Variants in TBC1D5 observed in about 807,000 individuals in gnomAD.
TBC1D5 encodes the protein TBC1 domain family, member 5.
A neutral mutation model predicts 100.3 loss-of-function variants in TBC1D5; 75 were observed. The observed-to-expected ratio is 0.75, with a 90% CI of 0.62 to 0.91. The LOEUF (loss-of-function observed/expected upper bound fraction) is 0.91. Ranked by LOEUF, TBC1D5 falls within the 40% of genes least tolerant of loss-of-function variation. The pLI, the probability that TBC1D5 is intolerant of heterozygous loss-of-function variation, is 0.00. For missense variants in TBC1D5, 910 were observed against 942.4 expected, an observed-to-expected ratio of 0.97 and a Z score of 0.45; for synonymous variants, 323 against 325.6, an observed-to-expected ratio of 0.99 and a Z score of 0.09.
intron 1 of TBC1D5, among the ~76,000 whole-genome samples, chr3:17,737,731 AGTAAAG>A (rs2077065803): frequency 2.0e-5 from 3 of 152,264 alleles, no homozygotes; most frequent in South Asian, 2.1e-4. Flanking sequence ...CTAGCAAAAA[AGTAAAG>A]GTAAACACTC....
intron 3 of TBC1D5, among the ~76,000 whole-genome samples, chr3:17,445,406 A>AAT (rs1255196544): frequency 6.6e-6 from 1 of 152,150 alleles, no homozygotes; most frequent in Non-Finnish European, 1.5e-5. Context: ...AAATAATAAA[A>AAT]ATATTCGTAT....
At chr3:17,457,025 A>T (rs921941202) in intron 3 of TBC1D5, among the ~76,000 whole-genome samples, 2 of 152,122 alleles carry the variant, frequency 1.3e-5, no homozygotes, top group African/African-American at 4.8e-5. Flanking sequence ...AGCAAAAAAA[A>T]ATATTTTGGG....
At position 17,640,468 on chromosome 3, in the gene TBC1D5, C is replaced by T. The variant is rs900253432; in HGVS notation, c.-100-16555G>A. Among the ~76,000 whole-genome samples the T allele has an allele frequency of 4.6e-5, 7 of 151,876 alleles. No individual in the cohort carries two copies. In the South Asian group the frequency reaches 1.2e-3, roughly 27 times the overall value. On this transcript the variant is annotated intron_variant, in intron 1 of 21. Coordinates refer to ENST00000253692, the Ensembl canonical transcript of TBC1D5. ...CTTCCACCCAAAATATCAATTTCCTCTTAAAAGAAGAATTATTTTAGAACT... is the reference window on the plus strand; with the variant it reads ...CTTCCACCCAAAATATCAATTTCCTTTTAAAAGAAGAATTATTTTAGAACT...
chr3:17,572,507 C>T (rs1160796291), intron 2 of TBC1D5, among the ~76,000 whole-genome samples: 1 of 151,992 alleles, frequency 6.6e-6, no homozygotes, highest in African/African-American at 2.4e-5. Context: ...AAATCAAGAA[C>T]AACAAACCTC....
chr3:17,267,096 C>G (rs1170166130), intron 15 of TBC1D5, among the ~76,000 whole-genome samples: 1 of 152,086 alleles, frequency 6.6e-6, no homozygotes, highest in African/African-American at 2.4e-5. Flanking sequence ...TTTAAACCAC[C>G]TGTGCGTTAT....
intron 19 of TBC1D5, among the ~76,000 whole-genome samples, chr3:17,182,935 C>T (rs1327649482): frequency 6.6e-6 from 1 of 152,038 alleles, no homozygotes; most frequent in East Asian, 1.9e-4. Flanking sequence ...CCATTTCCTA[C>T]CTAGCTCTTT....
At chr3:17,227,858 T>G (rs944183170) in intron 17 of TBC1D5, among the ~76,000 whole-genome samples, 16 of 151,968 alleles carry the variant, frequency 1.1e-4, no homozygotes, top group Non-Finnish European at 2.1e-4. Context: ...AAAAGTTTTT[T>G]TTTTTTTTTT....
At chr3:17,664,985 A>G (rs2067077219) in intron 1 of TBC1D5, 1 of 141,358 alleles carries the variant, frequency 7.1e-6, no homozygotes, top group South Asian at 2.3e-4. Context: ...CTCTTTTAGA[A>G]TTTGTCTACC....
intron 2 of TBC1D5, among the ~76,000 whole-genome samples, chr3:17,549,299 T>C (rs966328562): frequency 6.6e-6 from 1 of 152,090 alleles, no homozygotes; most frequent in Non-Finnish European, 1.5e-5. Flanking sequence ...ACACTCCATC[T>C]CAAAAAAATA....
chr3:17,731,163 A>AT (rs1293544837), intron 1 of TBC1D5, among the ~76,000 whole-genome samples: 2 of 152,100 alleles, frequency 1.3e-5, no homozygotes, highest in African/African-American at 4.8e-5. Context: ...GAATTTCAGT[A>AT]TTTTTTACTT....
chr3:17,246,763 A>G lies in TBC1D5; in HGVS notation c.1332-8344T>C, dbSNP rs114026392. On this transcript the variant is annotated intron_variant, in intron 16 of 21. Coordinates refer to ENST00000253692, the Ensembl canonical transcript of TBC1D5. ...TTTGAGGTGGATCATAAATTTAAAT[A>G]CAAATGGTAGAACCACACAACTTTT... 8.8e-3 allele frequency among the ~76,000 whole-genome samples: 1,347 copies of G among 152,332 alleles called. 15 individuals carry two copies. The highest frequency in any genetic ancestry group is 0.031 in the African/African-American group (1,270 of 41,570).
chr3:17,318,120 C>T (rs2084925113), intron 13 of TBC1D5, among the ~76,000 whole-genome samples: 1 of 151,166 alleles, frequency 6.6e-6, no homozygotes, highest in Non-Finnish European at 1.5e-5. Flanking sequence ...AGTAAACTAT[C>T]GCAAGGACAA....
intron 1 of TBC1D5, among the ~76,000 whole-genome samples, chr3:17,732,627 T>A (rs985191745): frequency 1.3e-5 from 2 of 150,526 alleles, no homozygotes; most frequent in African/African-American, 4.9e-5. Flanking sequence ...TAATCCCAGC[T>A]ACCCAGGAGG....
At chr3:17,575,984 T>C (rs775283747) in intron 2 of TBC1D5, among the ~76,000 whole-genome samples, 1 of 152,126 alleles carries the variant, frequency 6.6e-6, no homozygotes, top group Non-Finnish European at 1.5e-5. Flanking sequence ...AAGTGCTTTA[T>C]GCAAGAAATT....
chr3:17,627,320 G>C (rs1486005704), intron 1 of TBC1D5, among the ~76,000 whole-genome samples: 1 of 152,070 alleles, frequency 6.6e-6, no homozygotes, highest in Non-Finnish European at 1.5e-5. Context: ...AGGGGACAGA[G>C]GGATGGAAAC....
At chr3:17,667,322 A>G (rs2067373839) in intron 1 of TBC1D5, among the ~76,000 whole-genome samples, 1 of 152,234 alleles carries the variant, frequency 6.6e-6, no homozygotes, top group African/African-American at 2.4e-5. Flanking sequence ...ACAAGTATTT[A>G]ATTTCTAAAG....
intron 13 of TBC1D5, among the ~76,000 whole-genome samples, chr3:17,368,024 C>T (rs748843535): frequency 1.3e-5 from 2 of 152,028 alleles, no homozygotes; most frequent in Non-Finnish European, 2.9e-5. Context: ...CATTTAATTG[C>T]GGATTTAATT....
At chr3:17,594,300 G>A (rs987817213) in intron 2 of TBC1D5, among the ~76,000 whole-genome samples, 2 of 152,158 alleles carry the variant, frequency 1.3e-5, no homozygotes, top group Non-Finnish European at 2.9e-5. Flanking sequence ...GCGTCTCTTA[G>A]TATTACCATG....
intron 2 of TBC1D5, among the ~76,000 whole-genome samples, chr3:17,615,264 T>C (rs2062047409): frequency 6.6e-6 from 1 of 152,242 alleles, no homozygotes; most frequent in Non-Finnish European, 1.5e-5. Context: ...AACTTTTTGA[T>C]ATGCTGCTGG....
Sources: gnomAD v4.1 joint callset for allele counts (sites outside exome capture counted in the v4.1 genomes callset) on GRCh38, gnomAD v4.1.1 for gene constraint, MANE v1.5 for transcripts, NCBI Gene and HGNC (gene_info 2026-07-23, HGNC 2026-07-21) for gene names.